The following LDLRAD4 variants were observed in gnomAD, a reference collection of about 807,000 sequenced individuals.
The protein encoded by LDLRAD4 is low density lipoprotein receptor class A domain containing 4.
LDLRAD4 carries 5 observed loss-of-function variants against 17.0 expected under a neutral mutation model. The ratio of observed to expected loss-of-function variants is 0.29; its 90% confidence interval spans 0.15 to 0.62. The LOEUF (loss-of-function observed/expected upper bound fraction) is 0.62. LDLRAD4 is among the 20% of genes least tolerant of loss of function. The pLI is 0.84. For missense variants in LDLRAD4, 340 were observed against 424.7 expected, an observed-to-expected ratio of 0.80 and a Z score of 1.75; for synonymous variants, 168 against 171.8, an observed-to-expected ratio of 0.98 and a Z score of 0.17.
chr18:13,468,063 T>G (rs1450922697), intron 3 of LDLRAD4, among the ~76,000 whole-genome samples: 1 of 152,102 alleles, frequency 6.6e-6, no homozygotes, highest in Non-Finnish European at 1.5e-5. Context: ...TAAGTTTTCA[T>G]GATGTTGGAT....
At chr18:13,416,082 G>A (rs561733894) in intron 2 of LDLRAD4, among the ~76,000 whole-genome samples, 276 of 152,326 alleles carry the variant, frequency 1.8e-3, no homozygotes, top group Admixed American at 5.9e-3. Context: ...GAAGAGATCG[G>A]GCTGGCGGGG....
chr18:13,343,777 A>G (rs1483784823), intron 1 of LDLRAD4, among the ~76,000 whole-genome samples: 1 of 152,176 alleles, frequency 6.6e-6, no homozygotes, highest in African/African-American at 2.4e-5. Context: ...TCATCATTCT[A>G]ACTGGTGTGA....
At chr18:13,221,006 G>A (rs2041423597) in intron 1 of LDLRAD4, among the ~76,000 whole-genome samples, 1 of 152,202 alleles carries the variant, frequency 6.6e-6, no homozygotes, top group South Asian at 2.1e-4. Context: ...TCTTGAAATT[G>A]TAGACTGCTC....
chr18:13,388,126 C>T (rs900644522), intron 2 of LDLRAD4, among the ~76,000 whole-genome samples: 1 of 152,120 alleles, frequency 6.6e-6, no homozygotes, highest in African/African-American at 2.4e-5. Flanking sequence ...GAAGATTCTC[C>T]GAGGGAAAAG....
At chr18:13,438,616 G>A (rs994139167) in intron 3 of LDLRAD4, among the ~76,000 whole-genome samples, 1 of 152,238 alleles carries the variant, frequency 6.6e-6, no homozygotes, top group African/African-American at 2.4e-5. Flanking sequence ...ATAGGCTTTT[G>A]CTGTTTGTCT....
intron 2 of LDLRAD4, among the ~76,000 whole-genome samples, chr18:13,437,597 T>C (rs1424083128): frequency 2.0e-5 from 3 of 152,236 alleles, no homozygotes; most frequent in African/African-American, 7.2e-5. Context: ...CCTATTTTTA[T>C]AGTTCACCAG....
At chr18:13,248,772 A>T (rs1231208635) in intron 1 of LDLRAD4, among the ~76,000 whole-genome samples, 1 of 152,190 alleles carries the variant, frequency 6.6e-6, no homozygotes, top group Admixed American at 6.5e-5. Flanking sequence ...AACATTCAGT[A>T]TCCTCCTAGC....
chr18:13,381,596 A>C (rs1447707347), intron 1 of LDLRAD4, among the ~76,000 whole-genome samples: 1 of 151,756 alleles, frequency 6.6e-6, no homozygotes, highest in Admixed American at 6.6e-5. Context: ...TATTTGTAGC[A>C]CCTCCTTTTC....
upstream of LDLRAD4, chr18:13,217,749 CG>C (rs1304776096): frequency 5.3e-5 from 8 of 151,096 alleles, no homozygotes; most frequent in Admixed American, 2.0e-4. The surrounding 1 kb of genome is among the most constrained non-coding windows in gnomAD (Gnocchi z 4.9). Context: ...GCTGAGGCTG[CG>C]GACCGGGCCC....
In LDLRAD4 at chr18:13,590,784, T is replaced by C. The variant is rs78785221; in HGVS notation, c.182-30333T>C. 2.5e-4 allele frequency among the ~76,000 whole-genome samples: 38 copies of C among 152,286 alleles called. No individual in the cohort carries two copies. The East Asian group carries it at 6.4e-3, about 25-fold the overall frequency. On this transcript the variant is annotated intron_variant, in intron 3 of 5. Transcript: ENST00000359446. The stretch of plus-strand genomic sequence containing the variant: ...GCTTACTGATCAATTGCACTGGAGA[T>C]TGAGTCTGGTTTGGGGCTTTACATT...
At chr18:13,266,201 G>A (rs924114178) in intron 1 of LDLRAD4, among the ~76,000 whole-genome samples, 2 of 152,138 alleles carry the variant, frequency 1.3e-5, no homozygotes, top group African/African-American at 4.8e-5. Context: ...CTTTTTCGGG[G>A]CTTGTTTTTA....
rs542369393 is a variant in LDLRAD4, at chr18:13,589,246, T to C, written c.182-31871T>C. Among the ~76,000 whole-genome samples, 5 of 152,282 alleles carry C rather than the reference T, an allele frequency of 3.3e-5. No individual in the cohort carries two copies. In the South Asian group the frequency reaches 8.3e-4, roughly 25 times the overall value. ...AGCATGCCCAGCTTGCCATCTTTTT[T>C]CTTCTGTGGTTGGTTTCTGTCCCCA... is the stretch of plus-strand genomic sequence containing the variant. On this transcript the variant is annotated intron_variant, in intron 3 of 5. Transcript: ENST00000359446.
At chr18:13,221,221 A>G (rs996298724) in intron 1 of LDLRAD4, among the ~76,000 whole-genome samples, 4 of 152,244 alleles carry the variant, frequency 2.6e-5, no homozygotes, top group African/African-American at 9.6e-5. Flanking sequence ...AACAGAATGT[A>G]TAGCGGCACA....
upstream of LDLRAD4, among the ~76,000 whole-genome samples, chr18:13,273,401 A>G (rs1389334156): frequency 2.0e-5 from 3 of 152,178 alleles, no homozygotes; most frequent in South Asian, 2.1e-4. Context: ...CCTGGGCTCA[A>G]GAGATCCTCC....
intron 1 of LDLRAD4, among the ~76,000 whole-genome samples, chr18:13,259,878 C>T (rs932237965): frequency 6.6e-6 from 1 of 152,240 alleles, no homozygotes; most frequent in Non-Finnish European, 1.5e-5. Context: ...GACCAGCCTT[C>T]GTGTCTCTTG....
chr18:13,579,676 C>A (rs970202984), intron 3 of LDLRAD4, among the ~76,000 whole-genome samples: 1 of 152,268 alleles, frequency 6.6e-6, no homozygotes, highest in Non-Finnish European at 1.5e-5. Context: ...GCAAAGTCAC[C>A]AAAGATTCTA....
intron 1 of LDLRAD4, among the ~76,000 whole-genome samples, chr18:13,379,765 T>C (rs1197888545): frequency 6.6e-6 from 1 of 152,188 alleles, no homozygotes; most frequent in Non-Finnish European, 1.5e-5. Context: ...TGAAAATTGT[T>C]TCGTACAAAC....
At chr18:13,551,414 G>A (rs2094433555) in intron 3 of LDLRAD4, among the ~76,000 whole-genome samples, 1 of 152,202 alleles carries the variant, frequency 6.6e-6, no homozygotes, top group African/African-American at 2.4e-5. Flanking sequence ...AGAACTGCTT[G>A]TTGACACAGA....
At chr18:13,386,524 C>A (rs2085816212) in intron 1 of LDLRAD4, among the ~76,000 whole-genome samples, 2 of 152,016 alleles carry the variant, frequency 1.3e-5, no homozygotes, top group African/African-American at 4.8e-5. Flanking sequence ...TACACCACCA[C>A]ACTTGGCTAA....
Sources: allele counts gnomAD v4.1 joint callset (sites outside exome capture counted in the v4.1 genomes callset), GRCh38; gene constraint gnomAD v4.1.1; non-coding constraint Gnocchi (gnomAD v3.1); transcripts MANE v1.5; gene names NCBI Gene and HGNC (gene_info 2026-07-23, HGNC 2026-07-21).